PPARGC1A: variants seen among roughly 807,000 people sequenced by gnomAD.
PPARGC1A encodes the protein PPARG coactivator 1 alpha.
In PPARGC1A, 25 loss-of-function variants were observed where a neutral mutation model predicts 88.7. The observed-to-expected ratio is 0.28, with a 90% confidence interval of 0.21 to 0.39. The LOEUF (loss-of-function observed/expected upper bound fraction) is 0.39. Among genes scored for constraint, PPARGC1A ranks in the 10% least tolerant of loss-of-function variants. PPARGC1A has a pLI of 1.00. For missense variants in PPARGC1A, 880 were observed against 968.7 expected (o/e 0.91, Z 1.22); for synonymous variants, 363 against 355.6 (o/e 1.02, Z -0.24).
At chr4:23,993,204 G>A in the PPARGC1A span, among the ~76,000 whole-genome samples, 2 of 152,140 alleles carry the variant, frequency 1.3e-5, no homozygotes, top group African/African-American at 4.8e-5. Context: ...ATGATGTTAT[G>A]TAACAATTAT....
the PPARGC1A span, among the ~76,000 whole-genome samples, chr4:24,460,452 G>A: frequency 0.36 from 55,129 of 151,948 alleles, 11,960 homozygotes; most frequent in African/African-American, 0.6. Context: ...AAAATAAACC[G>A]GTATGTATGT....
At chr4:24,135,294 T>C in the PPARGC1A span, among the ~76,000 whole-genome samples, 1 of 152,066 alleles carries the variant, frequency 6.6e-6, no homozygotes, top group Non-Finnish European at 1.5e-5. Context: ...GAAAATAAAA[T>C]GCTCTCCAAG....
chr4:24,106,276 G>A, the PPARGC1A span, among the ~76,000 whole-genome samples: 1 of 152,156 alleles, frequency 6.6e-6, no homozygotes, highest in East Asian at 1.9e-4. Flanking sequence ...GAATTTCCCA[G>A]TCTTTTTTTC....
the PPARGC1A span, among the ~76,000 whole-genome samples, chr4:24,417,419 G>A: frequency 2.6e-5 from 4 of 152,140 alleles, no homozygotes; most frequent in African/African-American, 9.7e-5. Context: ...CACTGATGAA[G>A]CAGAAAAACA....
the PPARGC1A span, among the ~76,000 whole-genome samples, chr4:24,458,295 T>G: frequency 6.6e-6 from 1 of 151,464 alleles, no homozygotes; most frequent in Non-Finnish European, 1.5e-5. Flanking sequence ...ACCTCAGGAG[T>G]TTAAGAGCAG....
the PPARGC1A span, among the ~76,000 whole-genome samples, chr4:24,325,765 C>G: frequency 6.6e-6 from 1 of 152,050 alleles, no homozygotes; most frequent in South Asian, 2.1e-4. Context: ...AAGTCCGTCC[C>G]CTTCTTAATC....
the PPARGC1A span, among the ~76,000 whole-genome samples, chr4:24,381,796 C>T: frequency 6.6e-6 from 1 of 152,314 alleles, no homozygotes; most frequent in Non-Finnish European, 1.5e-5. Flanking sequence ...CTATACAACT[C>T]TTTCATCATT....
the PPARGC1A span, among the ~76,000 whole-genome samples, chr4:24,456,029 C>T: frequency 1.3e-5 from 2 of 152,292 alleles, no homozygotes; most frequent in Non-Finnish European, 2.9e-5. Flanking sequence ...CAGCCAATGT[C>T]ACACTCATGC....
the PPARGC1A span, among the ~76,000 whole-genome samples, chr4:24,427,280 T>A: frequency 6.8e-6 from 1 of 147,078 alleles, no homozygotes; most frequent in Non-Finnish European, 1.5e-5. Flanking sequence ...TATTCTTTAT[T>A]TATTTTTTTT....
At chr4:24,110,577 G>T in the PPARGC1A span, among the ~76,000 whole-genome samples, 1 of 152,154 alleles carries the variant, frequency 6.6e-6, no homozygotes, top group Non-Finnish European at 1.5e-5. Context: ...TGGGGACACA[G>T]CAAGAAACAC....
At chr4:24,367,796 A>T in the PPARGC1A span, among the ~76,000 whole-genome samples, 4 of 152,216 alleles carry the variant, frequency 2.6e-5, no homozygotes, top group African/African-American at 9.6e-5. Flanking sequence ...GCCCATTTTC[A>T]AGCTCCTTTG....
chr4:24,114,054 G>A, the PPARGC1A span, among the ~76,000 whole-genome samples: 4 of 150,214 alleles, frequency 2.7e-5, no homozygotes, highest in African/African-American at 9.8e-5. Flanking sequence ...AACCCAGGAG[G>A]TGGAGACCGC....
At chr4:24,274,118 A>G in the PPARGC1A span, among the ~76,000 whole-genome samples, 1 of 152,132 alleles carries the variant, frequency 6.6e-6, no homozygotes, top group Non-Finnish European at 1.5e-5. Context: ...AAATGAATTT[A>G]TCCCAGTATC....
the PPARGC1A span, among the ~76,000 whole-genome samples, chr4:23,991,854 A>G: frequency 6.6e-6 from 1 of 152,132 alleles, no homozygotes; most frequent in African/African-American, 2.4e-5. Context: ...AAGTCAAGAC[A>G]TAAAGAAAGA....
the PPARGC1A span, among the ~76,000 whole-genome samples, chr4:24,218,400 C>A: frequency 1.3e-5 from 2 of 152,206 alleles, no homozygotes; most frequent in Non-Finnish European, 2.9e-5. Context: ...ACAAAACCAT[C>A]CACACAAGTT....
the PPARGC1A span, among the ~76,000 whole-genome samples, chr4:24,033,659 TAAAAA>T: frequency 7.2e-6 from 1 of 139,170 alleles, no homozygotes; most frequent in South Asian, 2.4e-4. Flanking sequence ...TATATGCTGT[TAAAAA>T]AGAAAAAAAA....
In PPARGC1A at chr4:23,792,721, A is replaced by T. The variant is rs41359445; in HGVS notation, c.*3101T>A. On this transcript the variant is annotated 3_prime_UTR_variant, in exon 13 of 13. Transcript: ENST00000264867. Reference sequence around the variant, plus strand: ...CCACGGTCTTCTAAAAATCCTACAGATCTATGCTGAAATTTGCCTCCAGTG... The same window carrying T: ...CCACGGTCTTCTAAAAATCCTACAGTTCTATGCTGAAATTTGCCTCCAGTG... 1,987 of 152,542 alleles carry T rather than the reference A, an allele frequency of 0.013. 25 individuals are homozygous for T. Among genetic ancestry groups the T allele is most frequent in the African/African-American group, 0.027 (1,115 of 41,508 alleles). The allele number at this position is 152,542 out of a possible 1,614,324, so 9.4% of individuals were successfully genotyped here.
chr4:24,224,986 A>C, the PPARGC1A span, among the ~76,000 whole-genome samples: 4 of 152,000 alleles, frequency 2.6e-5, no homozygotes, highest in Non-Finnish European at 5.9e-5. Context: ...ACGCATGTTC[A>C]AAGATCAGCA....
the PPARGC1A span, among the ~76,000 whole-genome samples, chr4:24,126,232 C>T: frequency 6.7e-6 from 1 of 149,822 alleles, no homozygotes; most frequent in Non-Finnish European, 1.5e-5. Context: ...GTGCTGAAAT[C>T]GTAATTTAAA....
Sources: gnomAD v4.1 joint callset for allele counts (sites outside exome capture counted in the v4.1 genomes callset) on GRCh38, gnomAD v4.1.1 for gene constraint, MANE v1.5 for transcripts, NCBI Gene and HGNC (gene_info 2026-07-23, HGNC 2026-07-21) for gene names.